Variants in MCF2L observed in about 807,000 individuals in gnomAD.
MCF2L encodes MCF.2 cell line derived transforming sequence like, also known as guanine nucleotide exchange factor DBS.
A neutral mutation model predicts 153.4 loss-of-function variants in MCF2L; 97 were observed. That is an observed-to-expected ratio of 0.63 (90% CI 0.54 to 0.75). The LOEUF is 0.75. Ranked by LOEUF, MCF2L falls within the 30% of genes least tolerant of loss-of-function variation. The pLI is 0.00. For synonymous variants in MCF2L, 659 were observed against 632.2 expected, an observed-to-expected ratio of 1.04 and a Z score of -0.64; for missense variants, 1,347 against 1,495.2, an observed-to-expected ratio of 0.90 and a Z score of 1.64.
intron 1 of MCF2L, among the ~76,000 whole-genome samples, chr13:113,004,010 A>T (rs966189388): frequency 4.6e-5 from 7 of 152,148 alleles, no homozygotes; most frequent in Non-Finnish European, 8.8e-5. Flanking sequence ...TGTTGTTTTT[A>T]ATTTTAAAGG....
In MCF2L at chr13:113,031,586, C is replaced by T. The variant is rs559786335; in HGVS notation, c.278+6828C>T. On this transcript the variant is annotated intron_variant, in intron 3 of 29. Transcript: ENST00000535094. The surrounding 1 kb of genome is among the most constrained non-coding windows in gnomAD (Gnocchi z 5.5). Reference sequence around the variant, plus strand: ...CAGAATGCAGGGTGGAGGGAGAATGCGGGGTGGAGGGAGGAGCTGGGAGAT... The same window carrying T: ...CAGAATGCAGGGTGGAGGGAGAATGTGGGGTGGAGGGAGGAGCTGGGAGAT... 1.1e-4 allele frequency among the ~76,000 whole-genome samples: 16 copies of T among 151,040 alleles called. No individual in the cohort carries two copies. Among genetic ancestry groups the T allele is most frequent in the East Asian group, 5.9e-4 (3 of 5,068 alleles).
chr13:113,091,257 G>A lies in MCF2L; in HGVS notation c.2953+1529G>A, dbSNP rs922787230. 7.8e-6 allele frequency: 10 copies of A among 1,289,638 alleles called. No individual in the cohort carries two copies. In the African/African-American group the frequency reaches 1.5e-4, roughly 20 times the overall value. 79.9% of individuals were successfully genotyped at this position (1,289,638 alleles called of 1,614,324 possible). A position where few individuals can be genotyped will look rare whatever the true frequency, so the allele number is the denominator to read the frequency against. On this transcript the variant is annotated intron_variant, in intron 26 of 29. Coordinates refer to ENST00000535094, the MANE Select transcript of MCF2L (RefSeq NM_001112732.3). ...GTTGGCAGGAAGCGCGGCCCAGCTG[G>A]CTGTCAGGTGGCCGTCAAGGCCACC...
At chr13:112,894,664 G>T (rs1353039320) in intron 1 of MCF2L, among the ~76,000 whole-genome samples, 1 of 152,162 alleles carries the variant, frequency 6.6e-6, no homozygotes, top group Non-Finnish European at 1.5e-5. Flanking sequence ...GCGCCTGGGG[G>T]GCTCGAAATG....
chr13:112,948,916 A>G (rs1379266549), intron 2 of MCF2L, among the ~76,000 whole-genome samples: 4 of 152,134 alleles, frequency 2.6e-5, no homozygotes, highest in Non-Finnish European at 5.9e-5. Flanking sequence ...AAATACAAAA[A>G]TTAGCCAGGC....
At chr13:113,001,994 C>A (rs568813059) in intron 1 of MCF2L, 1 of 1,565,548 alleles carries the variant, frequency 6.4e-7, no homozygotes, top group South Asian at 1.2e-5. Context: ...GTGCGTGGGG[C>A]GCGGGCGGGT....
intron 1 of MCF2L, among the ~76,000 whole-genome samples, chr13:113,005,713 G>A (rs1250355062): frequency 6.6e-6 from 1 of 152,196 alleles, no homozygotes; most frequent in Non-Finnish European, 1.5e-5. Context: ...AGGTTTGCTG[G>A]GAGTGGATGT....
intron 2 of MCF2L, chr13:112,909,315 T>C (rs891098466): frequency 2.6e-6 from 2 of 779,674 alleles, no homozygotes; most frequent in Non-Finnish European, 4.8e-6. Context: ...CACTCGGCAG[T>C]GTGAGTACAT....
chr13:113,013,223 A>G (rs1323399153), intron 1 of MCF2L, among the ~76,000 whole-genome samples: 1 of 152,194 alleles, frequency 6.6e-6, no homozygotes, highest in Non-Finnish European at 1.5e-5. Flanking sequence ...ATAGTATTTC[A>G]TGCTTTACTG....
intron 3 of MCF2L, among the ~76,000 whole-genome samples, chr13:113,030,051 A>G (rs990603241): frequency 6.6e-6 from 1 of 152,250 alleles, no homozygotes; most frequent in Non-Finnish European, 1.5e-5. Context: ...TTTAAGCACT[A>G]CATCTGACTA....
chr13:113,060,637 G>C lies in MCF2L; in HGVS notation c.414G>C (p.Pro138=), dbSNP rs200106330. 5.6e-6 allele frequency: 9 copies of C among 1,613,612 alleles called. No homozygotes were observed. In the Admixed American group the frequency reaches 1.5e-4, roughly 27 times the overall value. Residue 138 remains proline, a synonymous_variant, in exon 5 of 30, where the codon CCG becomes CCC. Coordinates refer to ENST00000535094, the MANE Select transcript of MCF2L (RefSeq NM_001112732.3). Reference sequence around the variant, plus strand: ...TGCAGCTCGTCCTCGTGCTTCGCCCGACGGGTTTTTTCCAAAGGACTCTCT... The same window carrying C: ...TGCAGCTCGTCCTCGTGCTTCGCCCCACGGGTTTTTTCCAAAGGACTCTCT... ...ANLQLVLVLR[P]TGFFQRTLSD...
At chr13:113,006,817 G>A (rs949414174) in intron 1 of MCF2L, among the ~76,000 whole-genome samples, 2 of 152,228 alleles carry the variant, frequency 1.3e-5, no homozygotes, top group Admixed American at 6.5e-5. Flanking sequence ...GGCTCGGCCT[G>A]GAGCCTCACA....
chr13:113,033,555 G>A (rs536332336), intron 3 of MCF2L, among the ~76,000 whole-genome samples: 1 of 152,266 alleles, frequency 6.6e-6, no homozygotes, highest in South Asian at 2.1e-4. Flanking sequence ...TGCTGTAAAG[G>A]GTCGCCCCGC....
intron 2 of MCF2L, among the ~76,000 whole-genome samples, chr13:112,913,455 A>T (rs2140531502): frequency 6.6e-6 from 1 of 152,208 alleles, no homozygotes; most frequent in Middle Eastern, 3.4e-3. Flanking sequence ...TTTCAAAGTT[A>T]TGTTTGATGC....
chr13:113,029,211 C>G (rs767219028), intron 3 of MCF2L, among the ~76,000 whole-genome samples: 7 of 152,190 alleles, frequency 4.6e-5, no homozygotes, highest in Non-Finnish European at 7.4e-5. Context: ...AGCCACCTGT[C>G]CCCTGGCTGT....
At chr13:112,900,316 G>C (rs993291628) in intron 1 of MCF2L, among the ~76,000 whole-genome samples, 4 of 152,244 alleles carry the variant, frequency 2.6e-5, no homozygotes, top group African/African-American at 9.6e-5. Flanking sequence ...GATGAAGCAG[G>C]TGCCCGGACA....
chr13:112,938,391 G>A (rs2316810), intron 2 of MCF2L, among the ~76,000 whole-genome samples: 60,444 of 151,862 alleles, frequency 0.4, 12,362 homozygotes, highest in East Asian at 0.63. Flanking sequence ...CGAGTTCTGG[G>A]GGCTCAAGGC....
chr13:113,047,578 C>T (rs992579710), intron 4 of MCF2L, among the ~76,000 whole-genome samples: 3 of 152,264 alleles, frequency 2.0e-5, no homozygotes, highest in African/African-American at 7.2e-5. Context: ...GCTTACCTGC[C>T]GCTGATATAA....
intron 2 of MCF2L, among the ~76,000 whole-genome samples, chr13:112,962,344 TAC>T (rs1285406093): frequency 1.3e-5 from 2 of 152,154 alleles, no homozygotes; most frequent in Non-Finnish European, 2.9e-5. Context: ...CACACACACA[TAC>T]AAACACACAT....
rs28645251 is a variant in MCF2L at position 113,056,333 on chromosome 13, G to A, written c.370-4260G>A. Among the ~76,000 whole-genome samples, 269 of 150,290 alleles carry A rather than the reference G, an allele frequency of 1.8e-3. 1 individual carries two copies. Among genetic ancestry groups the A allele is most frequent in the African/African-American group, 5.8e-3 (236 of 40,892 alleles). On this transcript the variant is annotated intron_variant, in intron 4 of 29. Coordinates refer to ENST00000535094, the MANE Select transcript of MCF2L (RefSeq NM_001112732.3). ...TGTGTGTTTGGGTGCTGAGTGTTTC[G>A]GTGCTGTGTGGGTGTGGAGTGTTTG...
Sources: allele counts gnomAD v4.1 joint callset (sites outside exome capture counted in the v4.1 genomes callset), GRCh38; gene constraint gnomAD v4.1.1; non-coding constraint Gnocchi (gnomAD v3.1); transcripts MANE v1.5; gene names NCBI Gene and HGNC (gene_info 2026-07-23, HGNC 2026-07-21).